Variants in PCDHA4 observed in about 807,000 individuals in gnomAD.
PCDHA4 encodes the protein protocadherin alpha 4.
Under a neutral mutation model 61.4 loss-of-function variants are expected in PCDHA4, and 49 were observed. That is an observed-to-expected ratio of 0.80 (90% CI 0.63 to 1.01). The LOEUF (loss-of-function observed/expected upper bound fraction) is 1.01, where lower values mean the gene tolerates loss of function less well. PCDHA4 is among the 50% of genes least tolerant of loss of function. The probability of loss-of-function intolerance (pLI) is 0.00; values close to 1 mark genes in which losing one functional copy is unlikely to be tolerated. For synonymous variants in PCDHA4, 590 were observed against 550.3 expected, an observed-to-expected ratio of 1.07 and a Z score of -1.01; for missense variants, 1,254 against 1,235.8, an observed-to-expected ratio of 1.01 and a Z score of -0.22.
At chr5:140,966,763 G>C (rs1020607410) in intron 1 of PCDHA4, 1 of 1,470,370 alleles carries the variant, frequency 6.8e-7, no homozygotes, top group Non-Finnish European at 9.0e-7. Flanking sequence ...CGCGGCCAGT[G>C]GCTATGGAGC....
intron 1 of PCDHA4, among the ~76,000 whole-genome samples, chr5:140,817,910 A>G (rs191230679): frequency 6.6e-6 from 1 of 152,180 alleles, no homozygotes; most frequent in African/African-American, 2.4e-5. Context: ...ATGACATTCC[A>G]TGGTCTTCTT....
chr5:140,830,320 CG>C, intron 1 of PCDHA4: 1 of 1,613,990 alleles, frequency 6.2e-7, no homozygotes, highest in Non-Finnish European at 8.5e-7. Flanking sequence ...TGTGCTCCAG[CG>C]CAGTGGGGAG....
intron 1 of PCDHA4, chr5:140,858,122 G>A (rs2045205238): frequency 1.3e-6 from 2 of 1,597,922 alleles, no homozygotes; most frequent in Non-Finnish European, 1.7e-6. Flanking sequence ...GGTGGCCCTG[G>A]TGGATGTCAA....
intron 1 of PCDHA4, chr5:140,929,146 CAG>C (rs782305171): frequency 6.2e-7 from 1 of 1,614,180 alleles, no homozygotes; most frequent in Non-Finnish European, 8.5e-7. Flanking sequence ...GAGACTTTCT[CAG>C]ACTTATCTCT....
chr5:140,966,216 C>T (rs1189015388), intron 1 of PCDHA4: 1 of 247,072 alleles, frequency 4.0e-6, no homozygotes, highest in African/African-American at 2.2e-5. Flanking sequence ...TTTTCCCAGA[C>T]TAATCTCCTT....
intron 1 of PCDHA4, among the ~76,000 whole-genome samples, chr5:140,942,596 A>G (rs116159999): frequency 2.2e-4 from 31 of 142,420 alleles, no homozygotes; most frequent in Admixed American, 2.0e-3. Flanking sequence ...ACATATAATT[A>G]TAGTGTTTAT....
intron 1 of PCDHA4, among the ~76,000 whole-genome samples, chr5:140,953,840 G>C (rs1429646408): frequency 6.6e-6 from 1 of 152,072 alleles, no homozygotes; most frequent in African/African-American, 2.4e-5. Flanking sequence ...TTGTTACCCA[G>C]GTAAACATGT....
At chr5:140,824,328 TA>T in intron 1 of PCDHA4, 1 of 658,016 alleles carries the variant, frequency 1.5e-6, no homozygotes, top group Non-Finnish European at 2.6e-6. Flanking sequence ...CTTTCTGTGA[TA>T]TTAAGTGTTT....
chr5:140,882,739 A>C (rs781997612), intron 1 of PCDHA4: 1 of 1,614,142 alleles, frequency 6.2e-7, no homozygotes, highest in East Asian at 2.2e-5. Flanking sequence ...TAGATGGCGC[A>C]TCCGATGCAG....
At chr5:140,973,492 T>C (rs2096590680) in intron 1 of PCDHA4, among the ~76,000 whole-genome samples, 1 of 152,192 alleles carries the variant, frequency 6.6e-6, no homozygotes, top group African/African-American at 2.4e-5. Context: ...GTCACAGGAC[T>C]CTTCTTCTGA....
In PCDHA4 at chr5:140,927,655, G is replaced by C. The variant is rs782653279; in HGVS notation, c.2386-51294G>C. On this transcript the variant is annotated intron_variant, in intron 1 of 3. Transcript: ENST00000530339. Reference sequence around the variant, plus strand: ...ACCCAATGGGACTGTGTTATTCCGAGTTCAAGCCTTGGATCCAGATGAAGG... The same window carrying C: ...ACCCAATGGGACTGTGTTATTCCGACTTCAAGCCTTGGATCCAGATGAAGG... The C allele has an allele frequency of 1.2e-5, 20 of 1,614,130 alleles. No individual in the cohort carries two copies. In the Admixed American group the frequency reaches 2.3e-4, roughly 19 times the overall value.
At chr5:140,825,053 T>C (rs1768434684) in intron 1 of PCDHA4, 1 of 152,046 alleles carries the variant, frequency 6.6e-6, no homozygotes, top group South Asian at 2.1e-4. Context: ...TTTCACCTCC[T>C]TCATGAAGCC....
At chr5:140,992,078 G>A (rs1179366244) in intron 3 of PCDHA4, among the ~76,000 whole-genome samples, 1 of 151,596 alleles carries the variant, frequency 6.6e-6, no homozygotes, top group African/African-American at 2.4e-5. Context: ...TAGAGAATGA[G>A]CTAGAGTAGA....
intron 1 of PCDHA4, among the ~76,000 whole-genome samples, chr5:140,898,433 T>G (rs1253149141): frequency 6.6e-5 from 10 of 152,184 alleles, no homozygotes; most frequent in Non-Finnish European, 7.4e-5. Flanking sequence ...CCAGCACCAT[T>G]TATTAAATAG....
At chr5:140,969,293 C>A in intron 1 of PCDHA4, 1 of 1,614,186 alleles carries the variant, frequency 6.2e-7, no homozygotes, top group Non-Finnish European at 8.5e-7. Flanking sequence ...TGCTGGGAAC[C>A]TGATTATTCT....
chr5:140,828,152 C>CT (rs1562294206), intron 1 of PCDHA4: 6 of 1,614,028 alleles, frequency 3.7e-6, no homozygotes, highest in Non-Finnish European at 4.2e-6. Flanking sequence ...GCTTCTGCTC[C>CT]TCGCAGCCTG....
chr5:140,825,955 C>T (rs1768768479), intron 1 of PCDHA4: 2 of 152,330 alleles, frequency 1.3e-5, no homozygotes, highest in African/African-American at 4.8e-5. Context: ...AACCATTTGT[C>T]TACTCTTTTG....
intron 1 of PCDHA4, chr5:140,823,879 G>T: frequency 6.2e-7 from 1 of 1,613,898 alleles, no homozygotes; most frequent in Non-Finnish European, 8.5e-7. Context: ...CCTGATCATC[G>T]CCATCTGTGC....
At chr5:140,953,551 T>C (rs565115779) in intron 1 of PCDHA4, among the ~76,000 whole-genome samples, 1 of 152,240 alleles carries the variant, frequency 6.6e-6, no homozygotes, top group East Asian at 1.9e-4. Flanking sequence ...GATTCTTTTC[T>C]CCAAGTTTTA....
Sources: gnomAD v4.1 joint callset for allele counts (sites outside exome capture counted in the v4.1 genomes callset) on GRCh38, gnomAD v4.1.1 for gene constraint, MANE v1.5 for transcripts, NCBI Gene and HGNC (gene_info 2026-07-23, HGNC 2026-07-21) for gene names.